The following TBCD variants were observed in gnomAD, a reference collection of about 807,000 sequenced individuals.
TBCD encodes the protein tubulin-specific chaperone D.
TBCD carries 105 observed loss-of-function variants against 169.3 expected under a neutral mutation model. The observed-to-expected ratio is 0.62, with a 90% CI of 0.53 to 0.73. The LOEUF is 0.73. TBCD is among the 30% of genes least tolerant of loss of function. The pLI is 0.00. For missense variants in TBCD, 1,444 were observed against 1,600.1 expected (o/e 0.90, Z 1.66); for synonymous variants, 700 against 643.9 (o/e 1.09, Z -1.32).
At chr17:82,758,666 T>C (rs2047581242) in intron 2 of TBCD, among the ~76,000 whole-genome samples, 3 of 141,304 alleles carry the variant, frequency 2.1e-5, no homozygotes, top group South Asian at 2.3e-4. Context: ...TTTTTCTTTT[T>C]TTTTTTTTTT....
At chr17:82,906,413 G>A (rs1042943527) in intron 20 of TBCD, among the ~76,000 whole-genome samples, 2 of 152,234 alleles carry the variant, frequency 1.3e-5, no homozygotes, top group Non-Finnish European at 2.9e-5. Context: ...GGCATTGAGC[G>A]ACTTGCATGT....
In TBCD at chr17:82,938,076, C is replaced by G. The variant is rs776402862; in HGVS notation, c.3309C>G (p.Gly1103=). 6.2e-7 allele frequency: 1 copy of G among 1,613,094 alleles called. No homozygotes were observed. Among genetic ancestry groups the G allele is most frequent in the East Asian group, 2.2e-5 (1 of 44,866 alleles). The change falls in exon 36 of 39, where the codon GGC becomes GGG. Residue 1103 remains glycine (G), a synonymous_variant. Coordinates refer to ENST00000355528, the MANE Select transcript of TBCD (RefSeq NM_005993.5). ...TCTGCGAGATGGTGCAGTTCCCCGGCGACGTGAGGAGGCAGGCCCTCCTGC... is the reference window on the plus strand; with the variant it reads ...TCTGCGAGATGGTGCAGTTCCCCGGGGACGTGAGGAGGCAGGCCCTCCTGC... ...AVFCEMVQFP[G]DVRRQALLQL...
At chr17:82,882,662 AGGC>A (rs2058440784) in intron 14 of TBCD, among the ~76,000 whole-genome samples, 1 of 152,164 alleles carries the variant, frequency 6.6e-6, no homozygotes, top group Admixed American at 6.5e-5. Flanking sequence ...GCAGGAAAAC[AGGC>A]TCGAGATGCT....
rs1351632616 is a variant in TBCD at position 82,835,564 on chromosome 17, AG to A, written c.1318+20632del. Among the ~76,000 whole-genome samples the A allele has an allele frequency of 6.6e-6, 1 of 152,110 alleles. No individual in the cohort carries two copies. The highest frequency in any genetic ancestry group is 2.4e-5 in the African/African-American group (1 of 41,422). On this transcript the variant is annotated intron_variant, in intron 13 of 38. Transcript: ENST00000355528. This position sits in a 1 kb window ranked among gnomAD's most constrained non-coding sequence, Gnocchi z 4.5. ...CAGCCTCCCTAGTAGCTGGGATTACAGGTGCCTACCACCACGCCCAGCTAAT... is the reference window on the plus strand; with the variant it reads ...CAGCCTCCCTAGTAGCTGGGATTACAGTGCCTACCACCACGCCCAGCTAAT...
At chr17:82,845,561 C>T (rs1342861926) in intron 13 of TBCD, among the ~76,000 whole-genome samples, 2 of 151,726 alleles carry the variant, frequency 1.3e-5, no homozygotes, top group African/African-American at 2.4e-5. Flanking sequence ...GGCCCAGCCC[C>T]TTCCTCTCCG....
At chr17:82,819,405 G>A (rs904579015) in intron 13 of TBCD, among the ~76,000 whole-genome samples, 1 of 152,186 alleles carries the variant, frequency 6.6e-6, no homozygotes, top group Admixed American at 6.5e-5. Flanking sequence ...CACACACACA[G>A]AATCTCCATC....
At chr17:82,870,138 T>G (rs533644957) in intron 13 of TBCD, 86 bp from the exon 14 acceptor site, 1 of 1,581,740 alleles carries the variant, frequency 6.3e-7, no homozygotes, top group East Asian at 2.2e-5. Flanking sequence ...GTGACCGCGC[T>G]CCGGCCCTGA....
At chr17:82,893,197 G>T in intron 16 of TBCD, 1 of 280,628 alleles carries the variant, frequency 3.6e-6, no homozygotes, top group South Asian at 4.6e-5. Context: ...GCCGATGGAG[G>T]TCAGTGGCTG....
rs541616212 is a variant in TBCD, at chr17:82,835,679, C to T, written c.1318+20745C>T. ...ACCTCAGGCGATCTGCCCGCCTCAG[C>T]CTCCCAAAGTGCTGGGATTACAGGC... On this transcript the variant is annotated intron_variant, in intron 13 of 38. Coordinates refer to ENST00000355528, the MANE Select transcript of TBCD (RefSeq NM_005993.5). The surrounding 1 kb of genome is among the most constrained non-coding windows in gnomAD (Gnocchi z 4.5). 1.3e-5 allele frequency among the ~76,000 whole-genome samples: 2 copies of T among 152,288 alleles called. No individual in the cohort carries two copies. The highest frequency in any genetic ancestry group is 3.9e-4 in the East Asian group (2 of 5,178).
chr17:82,815,511 G>A (rs1468172916), intron 13 of TBCD, among the ~76,000 whole-genome samples: 2 of 152,234 alleles, frequency 1.3e-5, no homozygotes, highest in Non-Finnish European at 2.9e-5. Context: ...AGTGGGGTGG[G>A]GACAGAGGGC....
chr17:82,794,847 G>A (rs1265458361), intron 7 of TBCD, among the ~76,000 whole-genome samples: 1 of 152,264 alleles, frequency 6.6e-6, no homozygotes, highest in African/African-American at 2.4e-5. Flanking sequence ...GGCTGCCTGT[G>A]TAATTCAGCT....
chr17:82,831,412 T>C lies in TBCD; in HGVS notation c.1318+16478T>C. The C allele has an allele frequency of 6.2e-7, 1 of 1,614,094 alleles. No individual in the cohort carries two copies. Among genetic ancestry groups the C allele is most frequent in the East Asian group, 2.2e-5 (1 of 44,872 alleles). On this transcript the variant is annotated intron_variant, in intron 13 of 38. Coordinates refer to ENST00000355528, the MANE Select transcript of TBCD (RefSeq NM_005993.5). The surrounding 1 kb of genome is among the most constrained non-coding windows in gnomAD (Gnocchi z 4.6). ...GACCAGGGTGGCTTCTTCAAGCAGGTGAGAGCTCTGATCTCGGGTGAGGCC... is the reference window on the plus strand; with the variant it reads ...GACCAGGGTGGCTTCTTCAAGCAGGCGAGAGCTCTGATCTCGGGTGAGGCC...
rs376108851 is a variant in TBCD at position 82,905,446 on chromosome 17, T to C, written c.1805-490T>C. 1.4e-4 allele frequency among the ~76,000 whole-genome samples: 21 copies of C among 152,348 alleles called. No homozygotes were observed. The East Asian group carries it at 3.3e-3, about 24-fold the overall frequency. On this transcript the variant is annotated intron_variant, in intron 19 of 38. Coordinates refer to ENST00000355528, the MANE Select transcript of TBCD (RefSeq NM_005993.5). ...GGGTGATGACCCTGAGGGATGCCAG[T>C]GTGGGCGGGTGCGTGTGGGCGTCCC...
At position 82,930,272 on chromosome 17, in the gene TBCD, C is replaced by T; in HGVS notation, c.2992-250C>T. 1 of 510,304 alleles carries T rather than the reference C, an allele frequency of 2.0e-6. No individual in the cohort carries two copies. The highest frequency in any genetic ancestry group is 3.5e-6 in the Non-Finnish European group (1 of 289,318). 31.6% of individuals were successfully genotyped at this position (510,304 alleles called of 1,614,324 possible). ...AGTGGCCGCAGCCTTTCGTCACGTG[C>T]TCTCCCGCATGTCCTAAGTGAGGGC... On this transcript the variant is annotated intron_variant, in intron 32 of 38. Coordinates refer to ENST00000355528, the MANE Select transcript of TBCD (RefSeq NM_005993.5). This position sits in a 1 kb window ranked among gnomAD's most constrained non-coding sequence, Gnocchi z 5.2.
intron 14 of TBCD, among the ~76,000 whole-genome samples, chr17:82,875,739 A>G (rs916776438): frequency 2.2e-4 from 34 of 152,240 alleles, no homozygotes; most frequent in African/African-American, 8.2e-4. Flanking sequence ...GCTCAGTGGC[A>G]CAGCTTCCAG....
chr17:82,801,978 G>A (rs1205208458), intron 9 of TBCD, among the ~76,000 whole-genome samples: 3 of 150,626 alleles, frequency 2.0e-5, no homozygotes, highest in Admixed American at 1.3e-4. Context: ...CGTGTGGCTC[G>A]GGGTCAGCTC....
chr17:82,945,846 A>G lies in TBCD; in HGVS notation c.*3383A>G, dbSNP rs578002800. The G allele has an allele frequency of 1.3e-5, 2 of 152,386 alleles. No individual in the cohort carries two copies. Among genetic ancestry groups the G allele is most frequent in the African/African-American group, 2.4e-5 (1 of 41,600 alleles). The allele number at this position is 152,386 out of a possible 1,614,324, so 9.4% of individuals were successfully genotyped here. A position where few individuals can be genotyped will look rare whatever the true frequency, so the allele number is the denominator to read the frequency against. On this transcript the variant is annotated 3_prime_UTR_variant, in exon 39 of 39. Transcript: ENST00000355528. ...TGGATAAACTTTAGGCAGGAGGGAAATGATCGCAGTTGGATAGTTGGAGGA... is the reference window on the plus strand; with the variant it reads ...TGGATAAACTTTAGGCAGGAGGGAAGTGATCGCAGTTGGATAGTTGGAGGA...
chr17:82,813,286 T>G (rs938596124), intron 12 of TBCD, among the ~76,000 whole-genome samples: 19 of 152,292 alleles, frequency 1.2e-4, no homozygotes, highest in Admixed American at 3.9e-4. Context: ...TCTCTCTCTC[T>G]CTTCCTCTCC....
chr17:82,810,111 C>T (rs1033450345), intron 12 of TBCD, among the ~76,000 whole-genome samples: 21 of 152,122 alleles, frequency 1.4e-4, no homozygotes, highest in Admixed American at 1.2e-3. Flanking sequence ...GTCTACCCCT[C>T]GCCTACCCAT....
Sources: allele counts gnomAD v4.1 joint callset (sites outside exome capture counted in the v4.1 genomes callset), GRCh38; gene constraint gnomAD v4.1.1; non-coding constraint Gnocchi (gnomAD v3.1); transcripts MANE v1.5; gene names NCBI Gene and HGNC (gene_info 2026-07-23, HGNC 2026-07-21).